Variants in MME observed in about 807,000 individuals in gnomAD.
MME encodes membrane metalloendopeptidase.
MME carries 98 observed loss-of-function variants against 113.2 expected under a neutral mutation model. That is an observed-to-expected ratio of 0.87 (90% CI 0.74 to 1.02). MME has a LOEUF of 1.02. MME is among the 50% of genes least tolerant of loss of function. The pLI is 0.00. For missense variants in MME, 836 were observed against 896.0 expected (o/e 0.93, Z 0.86); for synonymous variants, 292 against 300.6 (o/e 0.97, Z 0.30).
At chr3:155,049,661 ATC>A (rs1491256666) in intron 1 of MME, among the ~76,000 whole-genome samples, 179 of 151,664 alleles carry the variant, frequency 1.2e-3, no homozygotes, top group African/African-American at 4.0e-3. Context: ...CTATCTATCT[ATC>A]TATCTATCTA....
intron 1 of MME, among the ~76,000 whole-genome samples, chr3:155,062,398 C>G (rs768156901): frequency 5.3e-5 from 8 of 152,104 alleles, no homozygotes; most frequent in African/African-American, 9.7e-5. Flanking sequence ...GACATTCATT[C>G]TTCCTGTTGG....
chr3:155,167,574 C>G (rs192127091), intron 18 of MME, among the ~76,000 whole-genome samples: 6 of 151,890 alleles, frequency 4.0e-5, no homozygotes, highest in East Asian at 3.9e-4. Flanking sequence ...GGAATAAAGA[C>G]GTGAAATATG....
At chr3:155,093,097 A>G (rs1716431619) in intron 3 of MME, among the ~76,000 whole-genome samples, 2 of 150,734 alleles carry the variant, frequency 1.3e-5, no homozygotes, top group South Asian at 2.1e-4. Context: ...TCTTTCCCCC[A>G]TCTCTCCAAT....
intron 1 of MME, among the ~76,000 whole-genome samples, chr3:155,070,925 T>C (rs182488812): frequency 6.6e-6 from 1 of 152,326 alleles, no homozygotes; most frequent in East Asian, 1.9e-4. Flanking sequence ...TTTATTCCTG[T>C]GGCTGCTGCT....
chr3:155,116,637 T>C, intron 5 of MME, 27 bp from the exon 6 acceptor site: 1 of 1,589,304 alleles, frequency 6.3e-7, no homozygotes, highest in Non-Finnish European at 8.6e-7. Flanking sequence ...GATTTCTAAT[T>C]GAATTTATGT....
At chr3:155,150,756 C>T (rs1309568154) in intron 16 of MME, among the ~76,000 whole-genome samples, 1 of 152,184 alleles carries the variant, frequency 6.6e-6, no homozygotes, top group Non-Finnish European at 1.5e-5. Context: ...TGTGTGATAT[C>T]ATTCCTGTTC....
At chr3:155,169,305 T>C (rs1270573469) in intron 20 of MME, among the ~76,000 whole-genome samples, 2 of 152,138 alleles carry the variant, frequency 1.3e-5, no homozygotes, top group Non-Finnish European at 2.9e-5. Flanking sequence ...TTCCAGCACA[T>C]GGCCTTGTAG....
Position 155,168,547 on chromosome 3 carries a change from A to G in MME, c.1836A>G (p.Ala612=). 6.2e-7 allele frequency: 1 copy of G among 1,613,698 alleles called. No homozygotes were observed. The highest frequency in any genetic ancestry group is 8.5e-7 in the Non-Finnish European group (1 of 1,179,714). ...DLVDWWTQQS[A]SNFKEQSQCM... is the part of the protein sequence containing the mutation. ...TTGACTGGTGGACTCAACAGTCTGC[A>G]AGTAACTTTAAGGAGCAATCCCAGT... Residue 612 remains alanine (A), a synonymous_variant, in exon 19 of 23, where the codon GCA becomes GCG. Coordinates refer to ENST00000360490, the MANE Select transcript of MME (RefSeq NM_007289.4).
In MME at chr3:155,182,143, T is replaced by C. The variant is rs923612110; in HGVS notation, c.*1684T>C. On this transcript the variant is annotated 3_prime_UTR_variant, in exon 23 of 23. Transcript: ENST00000360490. ...ATCATTCACTAGCTTTGCCTGGTTTTGTCTTTTATGCAGATAGAATCAATC... is the reference window on the plus strand; with the variant it reads ...ATCATTCACTAGCTTTGCCTGGTTTCGTCTTTTATGCAGATAGAATCAATC... 2.0e-5 allele frequency: 3 copies of C among 152,200 alleles called. No homozygotes were observed. Among genetic ancestry groups the C allele is most frequent in the African/African-American group, 4.8e-5 (2 of 41,450 alleles). 9.4% of individuals were successfully genotyped at this position (152,200 alleles called of 1,614,324 possible).
Position 155,172,072 on chromosome 3 carries a change from C to T in MME, c.1981-45C>T, listed in dbSNP as rs1045518322. On this transcript the variant is annotated intron_variant, in intron 20 of 22. Coordinates refer to ENST00000360490, the MANE Select transcript of MME (RefSeq NM_007289.4). ...TCTTTTACATAGGTTTATATATAAC[C>T]TTAGGAATTAATATTATTGTTTTTC... 3.5e-6 allele frequency: 4 copies of T among 1,134,692 alleles called. No homozygotes were observed. The African/African-American group carries it at 4.6e-5, about 13-fold the overall frequency. 70.3% of individuals were successfully genotyped at this position (1,134,692 alleles called of 1,614,324 possible). A position where few individuals can be genotyped will look rare whatever the true frequency, so the allele number is the denominator to read the frequency against.
intron 17 of MME, among the ~76,000 whole-genome samples, chr3:155,166,438 G>A (rs61760390): frequency 2.0e-5 from 3 of 152,150 alleles, no homozygotes; most frequent in Non-Finnish European, 4.4e-5. Context: ...ATTGTAGATG[G>A]ATACAATTTC....
At chr3:155,042,939 T>TAC (rs58319433) in intron 1 of MME, among the ~76,000 whole-genome samples, 1 of 74,266 alleles carries the variant, frequency 1.3e-5, no homozygotes, top group South Asian at 4.1e-4. Context: ...TATATATATA[T>TAC]GTATATATAT....
At chr3:155,026,507 T>C (rs905839129) in intron 1 of MME, among the ~76,000 whole-genome samples, 1 of 152,182 alleles carries the variant, frequency 6.6e-6, no homozygotes, top group African/African-American at 2.4e-5. Flanking sequence ...GTGGATCACC[T>C]GAAGTTAGGA....
chr3:155,085,032 T>A, intron 2 of MME, 27 bp from the exon 3 acceptor site: 1 of 1,511,652 alleles, frequency 6.6e-7, no homozygotes, highest in Non-Finnish European at 9.1e-7. Flanking sequence ...GTTGCCAATA[T>A]TTATGTATAT....
At chr3:155,144,488 A>G (rs779305228) in intron 14 of MME, 31 bp downstream of exon 14, 2 of 1,387,398 alleles carry the variant, frequency 1.4e-6, no homozygotes, top group African/African-American at 1.4e-5. Flanking sequence ...TAGCAAAGAA[A>G]AATCTTTGCT....
intron 1 of MME, among the ~76,000 whole-genome samples, chr3:155,063,579 A>AAT (rs1287634709): frequency 1.2e-5 from 1 of 84,108 alleles, no homozygotes; most frequent in African/African-American, 3.6e-5. Context: ...ATATTTTATT[A>AAT]ATATATATAA....
chr3:155,180,541 G>T lies in MME; in HGVS notation c.*82G>T. The T allele has an allele frequency of 2.9e-6, 3 of 1,050,628 alleles. No homozygotes were observed. Among genetic ancestry groups the T allele is most frequent in the South Asian group, 1.3e-5 (1 of 79,404 alleles). The allele number at this position is 1,050,628 out of a possible 1,614,324, so 65.1% of individuals were successfully genotyped here. On this transcript the variant is annotated 3_prime_UTR_variant, in exon 23 of 23. Coordinates refer to ENST00000360490, the MANE Select transcript of MME (RefSeq NM_007289.4). ...GAATTCTCTAATCGAAAGAAAATGG[G>T]CCCTAGGGGTCACTGTACTGACTTG... is the stretch of plus-strand genomic sequence containing the variant.
intron 3 of MME, among the ~76,000 whole-genome samples, chr3:155,108,218 TA>T (rs1215975045): frequency 6.6e-6 from 1 of 152,158 alleles, no homozygotes; most frequent in Non-Finnish European, 1.5e-5. Context: ...ATAACTAGAA[TA>T]AACCACACTT....
intron 3 of MME, chr3:155,089,916 C>A: frequency 2.3e-6 from 1 of 440,228 alleles, no homozygotes; most frequent in Non-Finnish European, 4.6e-6. Flanking sequence ...GCCAAGATTG[C>A]ACGACTGCAC....
Sources: allele counts gnomAD v4.1 joint callset (sites outside exome capture counted in the v4.1 genomes callset), GRCh38; gene constraint gnomAD v4.1.1; transcripts MANE v1.5; gene names NCBI Gene and HGNC (gene_info 2026-07-23, HGNC 2026-07-21).